Variants in BLK observed in about 807,000 individuals in gnomAD.
BLK encodes tyrosine-protein kinase Blk.
In BLK, 64 loss-of-function variants were observed where a neutral mutation model predicts 61.8. That is an observed-to-expected ratio of 1.03 (90% CI 0.85 to 1.27). The LOEUF (loss-of-function observed/expected upper bound fraction) is 1.27. Ranked by LOEUF, BLK falls within the 50% of genes most tolerant of loss-of-function variation. The probability of loss-of-function intolerance (pLI) is 0.00; values close to 1 mark genes in which losing one functional copy is unlikely to be tolerated. For missense variants in BLK, 853 were observed against 660.5 expected, an observed-to-expected ratio of 1.29 and a Z score of -3.19; for synonymous variants, 351 against 272.0, an observed-to-expected ratio of 1.29 and a Z score of -2.86.
intron 10 of BLK, chr8:11,558,765 C>G (rs1200048933): frequency 2.2e-6 from 1 of 456,222 alleles, no homozygotes; most frequent in Non-Finnish European, 4.4e-6. Context: ...AACTGGAACT[C>G]TCAGCAGAAA....
chr8:11,505,104 A>C (rs7001080), intron 1 of BLK, among the ~76,000 whole-genome samples: 16,183 of 152,170 alleles, frequency 0.11, 2,504 homozygotes, highest in African/African-American at 0.34. Context: ...ACAAAGATAC[A>C]CAGGCACACA....
intron 2 of BLK, 68 bp from the exon 3 acceptor site, chr8:11,545,984 T>G: frequency 3.9e-6 from 6 of 1,547,314 alleles, no homozygotes; most frequent in Non-Finnish European, 5.4e-6. Context: ...GGCTCAGCAG[T>G]CTCAACCCCC....
intron 5 of BLK, 47 bp from the exon 6 acceptor site, chr8:11,550,112 G>A (rs777216851): frequency 9.7e-6 from 15 of 1,545,604 alleles, no homozygotes; most frequent in South Asian, 3.3e-5. Context: ...GGAATACTCC[G>A]AGGAGCAGGG....
chr8:11,533,425 T>G (rs959247813), intron 1 of BLK, among the ~76,000 whole-genome samples: 2 of 152,056 alleles, frequency 1.3e-5, no homozygotes, highest in African/African-American at 4.8e-5. Context: ...CTCCAAAGGA[T>G]TGAATGATGT....
intron 1 of BLK, among the ~76,000 whole-genome samples, chr8:11,518,799 C>G (rs910542526): frequency 6.6e-6 from 1 of 152,208 alleles, no homozygotes; most frequent in African/African-American, 2.4e-5. Flanking sequence ...CCTGGCTGCT[C>G]TGCTCCAAGT....
chr8:11,546,187 C>G, intron 3 of BLK, 84 bp downstream of exon 3: 3 of 1,513,860 alleles, frequency 2.0e-6, no homozygotes, highest in Non-Finnish European at 2.8e-6. Context: ...AAGGTTGAGT[C>G]AGGAGCAGCT....
intron 10 of BLK, chr8:11,560,380 T>G (rs1585421597): frequency 5.1e-6 from 1 of 196,864 alleles, no homozygotes; most frequent in South Asian, 9.2e-5. Flanking sequence ...GATGGGTGGG[T>G]GGATGGATGG....
chr8:11,556,730 T>C lies in BLK; in HGVS notation c.845T>C (p.Leu282Pro), dbSNP rs776580851. The change falls in exon 9 of 13, where the codon CTG becomes CCG. Residue 282 changes from leucine (L) to proline (P), a missense_variant. Leu to Pro is a moderately conservative substitution (Grantham distance 98). Transcript: ENST00000259089. ...GGAACCATGTCTCCAGAAGCCTTTC[T>C]GGGTGAGGCCAACGTGATGAAGGCT... ...KEGTMSPEAFLGEANVMKALQ... is the reference protein window; with the variant it reads ...KEGTMSPEAFPGEANVMKALQ... The C allele has an allele frequency of 4.3e-6, 7 of 1,614,198 alleles. 1 individual carries two copies. The South Asian group carries it at 7.7e-5, about 18-fold the overall frequency.
chr8:11,512,880 T>G (rs1799072054), intron 1 of BLK, among the ~76,000 whole-genome samples: 1 of 152,228 alleles, frequency 6.6e-6, no homozygotes, highest in Non-Finnish European at 1.5e-5. Flanking sequence ...TTGGCCAGGC[T>G]GGACTCAAAC....
intron 1 of BLK, among the ~76,000 whole-genome samples, chr8:11,515,288 G>A (rs911633697): frequency 3.9e-5 from 6 of 152,138 alleles, no homozygotes; most frequent in Admixed American, 2.6e-4. Context: ...GAGGGACCTC[G>A]AGCAAGCTTG....
intron 10 of BLK, chr8:11,560,572 G>A (rs1279620154): frequency 3.2e-6 from 1 of 312,088 alleles, no homozygotes; most frequent in Non-Finnish European, 6.3e-6. Context: ...GGTGAATAAA[G>A]CCTTAGTTTC....
intron 1 of BLK, among the ~76,000 whole-genome samples, chr8:11,511,058 T>C (rs180958655): frequency 1.3e-3 from 192 of 152,364 alleles, no homozygotes; most frequent in Non-Finnish European, 2.1e-3. Flanking sequence ...TCTTTCCTGC[T>C]ACAAACACTC....
chr8:11,505,807 CG>C (rs1798750001), intron 1 of BLK, among the ~76,000 whole-genome samples: 1 of 152,206 alleles, frequency 6.6e-6, no homozygotes, highest in Non-Finnish European at 1.5e-5. Flanking sequence ...TCTCCAAGCA[CG>C]CTGGGCCCAT....
chr8:11,533,968 T>C (rs1411602773), intron 1 of BLK, among the ~76,000 whole-genome samples: 2 of 152,244 alleles, frequency 1.3e-5, no homozygotes, highest in African/African-American at 4.8e-5. Context: ...TGCCTTTCAA[T>C]CCTTGTCACA....
At position 11,555,743 on chromosome 8, in the gene BLK, C is replaced by A. The variant is rs922498703; in HGVS notation, c.772+259C>A. 7.1e-6 allele frequency: 4 copies of A among 562,314 alleles called. No homozygotes were observed. In the Admixed American group the frequency reaches 1.1e-4, roughly 15 times the overall value. The allele number at this position is 562,314 out of a possible 1,614,324, so 34.8% of individuals were successfully genotyped here. A position where few individuals can be genotyped will look rare whatever the true frequency, so the allele number is the denominator to read the frequency against. ...CCAGCCCCGAAGTCGCTCCCTCCTTCGTTCTCTGCCTGAAGCTGGCTTTGA... is the reference window on the plus strand; with the variant it reads ...CCAGCCCCGAAGTCGCTCCCTCCTTAGTTCTCTGCCTGAAGCTGGCTTTGA... On this transcript the variant is annotated intron_variant, in intron 8 of 12. Transcript: ENST00000259089.
chr8:11,540,105 T>G (rs1800310908), intron 1 of BLK, among the ~76,000 whole-genome samples: 1 of 152,288 alleles, frequency 6.6e-6, no homozygotes, highest in Non-Finnish European at 1.5e-5. Flanking sequence ...TGTTAGTAGT[T>G]GTCTCCAAAC....
At position 11,543,421 on chromosome 8, in the gene BLK, T is replaced by C. The variant is rs564492865; in HGVS notation, c.123+74T>C. 4 of 1,586,320 alleles carry C rather than the reference T, an allele frequency of 2.5e-6. No individual in the cohort carries two copies. In the South Asian group the frequency reaches 3.4e-5, roughly 13 times the overall value. On this transcript the variant is annotated intron_variant, in intron 2 of 12. Coordinates refer to ENST00000259089, the MANE Select transcript of BLK (RefSeq NM_001715.3). ...TGCCTTAATGTCCAAGTTTGTAAAA[T>C]GGGTATAGCAAAAGTGCCTTCCTGA...
At chr8:11,532,245 C>G (rs1799918157) in intron 1 of BLK, among the ~76,000 whole-genome samples, 1 of 151,152 alleles carries the variant, frequency 6.6e-6, no homozygotes, top group Non-Finnish European at 1.5e-5. Context: ...GTTGCCCAGG[C>G]TAGAGTGCAG....
In BLK at chr8:11,543,362, A is replaced by T; in HGVS notation, c.123+15A>T. Reference sequence around the variant, plus strand: ...TGCCGCCCCTGGTGAGTGATTGCCCACCCCCACCAAGAGCAGATTACTTAC... The same window carrying T: ...TGCCGCCCCTGGTGAGTGATTGCCCTCCCCCACCAAGAGCAGATTACTTAC... On this transcript the variant is annotated intron_variant, in intron 2 of 12. Transcript: ENST00000259089. The T allele has an allele frequency of 1.2e-6, 2 of 1,611,652 alleles. No individual in the cohort carries two copies. The highest frequency in any genetic ancestry group is 1.7e-6 in the Non-Finnish European group (2 of 1,179,854).
Sources: gnomAD v4.1 joint callset for allele counts (sites outside exome capture counted in the v4.1 genomes callset) on GRCh38, gnomAD v4.1.1 for gene constraint, MANE v1.5 for transcripts, NCBI Gene and HGNC (gene_info 2026-07-23, HGNC 2026-07-21) for gene names.